The following TRIM44 variants were observed in gnomAD, a reference collection of about 807,000 sequenced individuals.
The protein encoded by TRIM44 is tripartite motif-containing protein 44.
A neutral mutation model predicts 37.4 loss-of-function variants in TRIM44; 13 were observed. The observed-to-expected ratio is 0.35, with a 90% CI of 0.23 to 0.55. TRIM44 has a LOEUF of 0.55. Ranked by LOEUF, TRIM44 falls within the 20% of genes least tolerant of loss-of-function variation. The pLI is 0.89. For missense variants in TRIM44, 426 were observed against 437.2 expected (o/e 0.97, Z 0.23); for synonymous variants, 175 against 157.2 (o/e 1.11, Z -0.85).
In TRIM44 at chr11:35,766,107, C is replaced by T. The variant is rs1943658221; in HGVS notation, c.1007+30662C>T. Among the ~76,000 whole-genome samples the T allele has an allele frequency of 4.6e-5, 7 of 152,266 alleles. No individual in the cohort carries two copies. In the South Asian group the frequency reaches 1.5e-3, roughly 32 times the overall value. ...CCTTTTTGCATCACTCTCTACCTTC[C>T]AGAACAGCCTCCTCTTTTTACTTGT... On this transcript the variant is annotated intron_variant, in intron 4 of 4. Transcript: ENST00000299413.
intron 1 of TRIM44, among the ~76,000 whole-genome samples, chr11:35,664,003 T>C (rs1472475238): frequency 3.3e-5 from 5 of 152,286 alleles, no homozygotes; most frequent in African/African-American, 1.2e-4. Flanking sequence ...AAATCTAGTA[T>C]ACAATTTCTA....
chr11:35,708,682 A>G (rs904641348), intron 2 of TRIM44, among the ~76,000 whole-genome samples: 4 of 151,742 alleles, frequency 2.6e-5, no homozygotes, highest in Admixed American at 2.6e-4. Flanking sequence ...AACACTGCAT[A>G]TTCTCACTCA....
intron 2 of TRIM44, among the ~76,000 whole-genome samples, chr11:35,711,464 TTTTG>T (rs1851971773): frequency 2.4e-5 from 3 of 124,950 alleles, no homozygotes; most frequent in African/African-American, 6.9e-5. Context: ...TTCTCAGATT[TTTTG>T]TTTTTTTTTT....
chr11:35,769,246 C>T lies in TRIM44; in HGVS notation c.1007+33801C>T, dbSNP rs185442983. On this transcript the variant is annotated intron_variant, in intron 4 of 4. Coordinates refer to ENST00000299413, the MANE Select transcript of TRIM44 (RefSeq NM_017583.6). Reference sequence around the variant, plus strand: ...TGGCTATGGAGTAAAACCCATTTTCCGTCTGTGATCACTCACATCTTTTGT... The same window carrying T: ...TGGCTATGGAGTAAAACCCATTTTCTGTCTGTGATCACTCACATCTTTTGT... Among the ~76,000 whole-genome samples the T allele has an allele frequency of 3.8e-4, 58 of 152,290 alleles. No individual in the cohort carries two copies. In the East Asian group the frequency reaches 9.7e-3, roughly 25 times the overall value.
At chr11:35,748,879 G>A (rs898205719) in intron 4 of TRIM44, among the ~76,000 whole-genome samples, 1 of 152,170 alleles carries the variant, frequency 6.6e-6, no homozygotes, top group Non-Finnish European at 1.5e-5. Context: ...AAGCTCAGAA[G>A]AAGAGGAGGT....
In TRIM44 at chr11:35,810,806, C is replaced by G. The variant is rs1394525388; in HGVS notation, c.*4421C>G. The G allele has an allele frequency of 1.3e-5, 2 of 152,168 alleles. No homozygotes were observed. Among genetic ancestry groups the G allele is most frequent in the Admixed American group, 1.3e-4 (2 of 15,274 alleles). 9.4% of individuals were successfully genotyped at this position (152,168 alleles called of 1,614,324 possible). On this transcript the variant is annotated 3_prime_UTR_variant, in exon 5 of 5. Coordinates refer to ENST00000299413, the MANE Select transcript of TRIM44 (RefSeq NM_017583.6). ...GCATGAATGGGGAGAACCAATGAAT[C>G]CATTGTCCTCTGCCTATTTTCCTGT...
intron 4 of TRIM44, among the ~76,000 whole-genome samples, chr11:35,742,773 T>C (rs1320382116): frequency 9.9e-6 from 1 of 100,804 alleles, no homozygotes; most frequent in East Asian, 2.7e-4. Flanking sequence ...TATTATATAT[T>C]ACATATAAAT....
At chr11:35,703,486 G>A (rs562427368) in intron 2 of TRIM44, among the ~76,000 whole-genome samples, 4 of 152,288 alleles carry the variant, frequency 2.6e-5, no homozygotes, top group South Asian at 2.1e-4. Flanking sequence ...CCTGACCCCC[G>A]AGCAGCCTAA....
At chr11:35,783,489 A>C (rs947236293) in intron 4 of TRIM44, among the ~76,000 whole-genome samples, 2 of 152,192 alleles carry the variant, frequency 1.3e-5, no homozygotes, top group Non-Finnish European at 2.9e-5. Context: ...TGCCATTATG[A>C]ATACATTTTC....
chr11:35,673,458 A>C (rs1851423167), intron 1 of TRIM44, among the ~76,000 whole-genome samples: 1 of 152,190 alleles, frequency 6.6e-6, no homozygotes, highest in African/African-American at 2.4e-5. Context: ...CTAGCAATTG[A>C]ATGTGTTGTT....
intron 4 of TRIM44, among the ~76,000 whole-genome samples, chr11:35,799,889 T>C (rs566135597): frequency 1.3e-5 from 2 of 152,292 alleles, no homozygotes; most frequent in East Asian, 3.9e-4. Flanking sequence ...CCTTGTGGTT[T>C]AAGAAGGAAT....
At chr11:35,779,390 T>C (rs1233490582) in intron 4 of TRIM44, among the ~76,000 whole-genome samples, 2 of 152,094 alleles carry the variant, frequency 1.3e-5, no homozygotes, top group Non-Finnish European at 2.9e-5. Flanking sequence ...CCCCTTGTGC[T>C]CCCTGGGTGA....
At chr11:35,749,794 G>A (rs1327813915) in intron 4 of TRIM44, among the ~76,000 whole-genome samples, 1 of 152,188 alleles carries the variant, frequency 6.6e-6, no homozygotes, top group African/African-American at 2.4e-5. Flanking sequence ...CCTTTGCAAG[G>A]GAAAAAATTA....
At chr11:35,805,917 G>C (rs1246931559) in intron 4 of TRIM44, among the ~76,000 whole-genome samples, 1 of 152,160 alleles carries the variant, frequency 6.6e-6, no homozygotes, top group Non-Finnish European at 1.5e-5. Context: ...GTGCCATTGA[G>C]AGTGCAGATG....
Position 35,816,221 on chromosome 11 carries a change from G to T in TRIM44, c.*9836G>T, listed in dbSNP as rs566814296. On this transcript the variant is annotated 3_prime_UTR_variant, in exon 5 of 5. Transcript: ENST00000299413. ...GATGTTTGGGAAATTTCTCAGCTTG[G>T]GTCATTCTTCAAGAGTAAGAAATTG... The T allele has an allele frequency of 6.6e-6, 1 of 151,992 alleles. No homozygotes were observed. The highest frequency in any genetic ancestry group is 6.5e-5 in the Admixed American group (1 of 15,270). The allele number at this position is 151,992 out of a possible 1,614,324, so 9.4% of individuals were successfully genotyped here.
chr11:35,716,133 C>T (rs926910041), intron 2 of TRIM44, among the ~76,000 whole-genome samples: 9 of 152,098 alleles, frequency 5.9e-5, no homozygotes, highest in Non-Finnish European at 1.2e-4. Flanking sequence ...GTTCCAAGCA[C>T]CAAGGCAGAG....
intron 1 of TRIM44, among the ~76,000 whole-genome samples, chr11:35,681,191 G>A (rs997618844): frequency 6.6e-5 from 10 of 152,180 alleles, no homozygotes; most frequent in African/African-American, 2.4e-4. Context: ...GCCAGTGAAA[G>A]AGTATAAGCG....
Position 35,747,611 on chromosome 11 carries a change from T to G in TRIM44, c.1007+12166T>G, listed in dbSNP as rs111273027. Among the ~76,000 whole-genome samples the G allele has an allele frequency of 1.1e-3, 172 of 152,186 alleles. 1 individual carries two copies. The highest frequency in any genetic ancestry group is 3.8e-3 in the African/African-American group (159 of 41,570). On this transcript the variant is annotated intron_variant, in intron 4 of 4. Transcript: ENST00000299413. ...ACTTTTATGAGAAAATTTTTTCATTTTCTTTGTTGAATGTCAACAAGCAGT... is the reference window on the plus strand; with the variant it reads ...ACTTTTATGAGAAAATTTTTTCATTGTCTTTGTTGAATGTCAACAAGCAGT...
intron 4 of TRIM44, among the ~76,000 whole-genome samples, chr11:35,790,426 T>A (rs1375683146): frequency 6.6e-6 from 1 of 152,222 alleles, no homozygotes; most frequent in Non-Finnish European, 1.5e-5. Flanking sequence ...CCTCCTCCAG[T>A]ACATAGAGCA....
Sources: gnomAD v4.1 joint callset for allele counts (sites outside exome capture counted in the v4.1 genomes callset) on GRCh38, gnomAD v4.1.1 for gene constraint, MANE v1.5 for transcripts, NCBI Gene and HGNC (gene_info 2026-07-23, HGNC 2026-07-21) for gene names.